Variants in PLA2G4F observed in about 807,000 individuals in gnomAD.
PLA2G4F encodes the protein phospholipase A2 group IVF.
In PLA2G4F, 105 loss-of-function variants were observed where a neutral mutation model predicts 103.1. The ratio of observed to expected loss-of-function variants is 1.02; its 90% CI spans 0.87 to 1.20. PLA2G4F has a LOEUF of 1.20. PLA2G4F is among the 50% of genes most tolerant of loss of function. The probability of loss-of-function intolerance (pLI) is 0.00; values close to 1 mark genes in which losing one functional copy is unlikely to be tolerated. For synonymous variants in PLA2G4F, 468 were observed against 441.1 expected (o/e 1.06, Z -0.76); for missense variants, 1,155 against 1,075.9 (o/e 1.07, Z -1.03).
chr15:42,143,840 C>A (rs2048849540), intron 18 of PLA2G4F, 138 bp downstream of exon 18: 2 of 1,169,070 alleles, frequency 1.7e-6, no homozygotes, highest in African/African-American at 1.5e-5. Flanking sequence ...CAGAGTGGAA[C>A]CCAGGCCGTC....
intron 18 of PLA2G4F, 92 bp downstream of exon 18, chr15:42,143,886 C>T (rs1176289591): frequency 6.9e-7 from 1 of 1,451,144 alleles, no homozygotes. Flanking sequence ...AGCCAGTCCC[C>T]CTCACCAGAG....
At chr15:42,146,846 G>A (rs1435853459) in intron 13 of PLA2G4F, 1 of 393,354 alleles carries the variant, frequency 2.5e-6, no homozygotes, top group Non-Finnish European at 4.7e-6. Flanking sequence ...CTGGAAGGGG[G>A]GCCGAGGCAT....
At chr15:42,149,974 C>A in intron 10 of PLA2G4F, 126 bp from the exon 11 acceptor site, 1 of 1,532,170 alleles carries the variant, frequency 6.5e-7, no homozygotes, top group Non-Finnish European at 9.0e-7. Context: ...AGCACCAGAA[C>A]CAGGGAGGGA....
chr15:42,149,973 A>G (rs11632558), intron 10 of PLA2G4F, 125 bp from the exon 11 acceptor site: 1 of 1,531,514 alleles, frequency 6.5e-7, no homozygotes, highest in Admixed American at 1.7e-5. Flanking sequence ...CAGCACCAGA[A>G]CCAGGGAGGG....
chr15:42,148,255 T>C (rs1230963577), intron 11 of PLA2G4F, among the ~76,000 whole-genome samples: 3 of 151,836 alleles, frequency 2.0e-5, no homozygotes. Context: ...TTAAATAATG[T>C]GCCCAAGATC....
At position 42,152,848 on chromosome 15, in the gene PLA2G4F, A is replaced by G. The variant is rs576532058; in HGVS notation, c.535-94T>C. ...GTGCCTAGGGCAGGGTCTGGGAAAC[A>G]GCCATGGCCCCATCCAGGATGGAGG... On this transcript the variant is annotated intron_variant, in intron 6 of 19. Transcript: ENST00000397272. The G allele has an allele frequency of 5.9e-5, 72 of 1,213,932 alleles. No homozygotes were observed. The South Asian group carries it at 1.1e-3, about 18-fold the overall frequency. The allele number at this position is 1,213,932 out of a possible 1,614,324, so 75.2% of individuals were successfully genotyped here.
chr15:42,153,672 G>C lies in PLA2G4F; in HGVS notation c.451-12C>G. 1 of 1,614,116 alleles carries C rather than the reference G, an allele frequency of 6.2e-7. No individual in the cohort carries two copies. Among genetic ancestry groups the C allele is most frequent in the Non-Finnish European group, 8.5e-7 (1 of 1,179,990 alleles). On this transcript the variant is annotated splice_polypyrimidine_tract_variant and intron_variant, in intron 4 of 19. Coordinates refer to ENST00000397272, the MANE Select transcript of PLA2G4F (RefSeq NM_213600.4). ...AGCTCTTGTGAATCCTACATGGAGG[G>C]GGAGGGAGCACCAATTTTTTCAAGG... is the stretch of plus-strand genomic sequence containing the variant.
Position 42,144,000 on chromosome 15 carries a change from T to C in PLA2G4F, c.2120A>G (p.Tyr707Cys), listed in dbSNP as rs576355757. ...RAVDLILSFD[Y>C]SLEAPFEVLK... ...CACCTCAAAAGGGGCTTCCAAGGAA[T>C]AGTCAAAGGACAGAATGAGGTCCAC... The change falls in exon 18 of 20, where the codon TAT (tyrosine) becomes TGT (cysteine). Residue 707 changes from tyrosine (Y) to cysteine (C), a missense_variant. Coordinates refer to ENST00000397272, the MANE Select transcript of PLA2G4F (RefSeq NM_213600.4). 3.3e-5 allele frequency: 53 copies of C among 1,610,344 alleles called. No individual in the cohort carries two copies. The South Asian group carries it at 5.6e-4, about 17-fold the overall frequency.
chr15:42,155,436 T>A lies in PLA2G4F; in HGVS notation c.184+81A>T, dbSNP rs553016158. 52 of 1,346,740 alleles carry A rather than the reference T, an allele frequency of 3.9e-5. No individual in the cohort carries two copies. Among genetic ancestry groups the A allele is most frequent in the Admixed American group, 5.3e-5 (3 of 56,794 alleles). The allele number at this position is 1,346,740 out of a possible 1,614,324, so 83.4% of individuals were successfully genotyped here. ...CATGTATACTCTTACACACACACAC[T>A]CTCTGTTAGCCAGCCTGAGCTGAGC... is the stretch of plus-strand genomic sequence containing the variant. On this transcript the variant is annotated intron_variant, in intron 2 of 19. Coordinates refer to ENST00000397272, the MANE Select transcript of PLA2G4F (RefSeq NM_213600.4).
Position 42,150,609 on chromosome 15 carries a change from T to A in PLA2G4F, c.770A>T (p.Gln257Leu). 6.2e-7 allele frequency: 1 copy of A among 1,607,238 alleles called. No homozygotes were observed. The highest frequency in any genetic ancestry group is 8.5e-7 in the Non-Finnish European group (1 of 1,176,866). The stretch of plus-strand genomic sequence containing the variant: ...CGACCATCCTGGCGGCGCACTCACC[T>A]GCACAGCTGCCAGCAGCTCCATCAG... ...VELMELLAAVQSGPSAELEAQ... is the reference protein window; with the variant it reads ...VELMELLAAVLSGPSAELEAQ... Residue 257 changes from glutamine (Q) to leucine (L), a missense_variant and splice_region_variant, in exon 8 of 20, where the codon CAG (glutamine) becomes CTG (leucine). Gln to Leu is a moderately radical substitution (Grantham distance 113). Transcript: ENST00000397272.
In PLA2G4F at chr15:42,141,559, C is replaced by T; in HGVS notation, c.*425G>A. On this transcript the variant is annotated 3_prime_UTR_variant, in exon 20 of 20. Transcript: ENST00000397272. ...GCTCTGCAGGAAGTGTGGATGGATGCATCTCTGCTTTCCATCTCAGTGTAA... is the reference window on the plus strand; with the variant it reads ...GCTCTGCAGGAAGTGTGGATGGATGTATCTCTGCTTTCCATCTCAGTGTAA... 2.2e-6 allele frequency: 1 copy of T among 458,096 alleles called. No individual in the cohort carries two copies. Among genetic ancestry groups the T allele is most frequent in the Non-Finnish European group, 4.4e-6 (1 of 228,846 alleles). The allele number at this position is 458,096 out of a possible 1,614,324, so 28.4% of individuals were successfully genotyped here.
chr15:42,153,463 C>T (rs2048980078), intron 5 of PLA2G4F, 121 bp from the exon 6 acceptor site: 4 of 1,473,748 alleles, frequency 2.7e-6, no homozygotes, highest in South Asian at 1.2e-5. Flanking sequence ...TGGAGTGGGG[C>T]GAGCCTGCCG....
chr15:42,152,860 A>G, intron 6 of PLA2G4F, 106 bp from the exon 7 acceptor site: 1 of 1,091,258 alleles, frequency 9.2e-7, no homozygotes, highest in Admixed American at 2.6e-5. Context: ...CCATGGCCCC[A>G]TCCAGGATGG....
chr15:42,147,017 G>A, intron 13 of PLA2G4F, 107 bp downstream of exon 13: 1 of 1,155,188 alleles, frequency 8.7e-7, no homozygotes, highest in Non-Finnish European at 1.2e-6. Context: ...GAGAGCTCAG[G>A]AACAGCTTTG....
intron 10 of PLA2G4F, 32 bp from the exon 11 acceptor site, chr15:42,149,880 G>A: frequency 1.2e-6 from 2 of 1,608,688 alleles, no homozygotes; most frequent in Non-Finnish European, 1.7e-6. Flanking sequence ...GGCGGTGGGG[G>A]GTTCTGGGTG....
In PLA2G4F at chr15:42,145,961, C is replaced by G; in HGVS notation, c.1535-58G>C. ...GGCTTCCCACCACGGTGCTTGTGCCCAAGCAGGAATCTTAGCCTTGACAAT... is the reference window on the plus strand; with the variant it reads ...GGCTTCCCACCACGGTGCTTGTGCCGAAGCAGGAATCTTAGCCTTGACAAT... On this transcript the variant is annotated intron_variant, in intron 14 of 19. Transcript: ENST00000397272. The G allele has an allele frequency of 3.7e-6, 6 of 1,602,966 alleles. No individual in the cohort carries two copies. In the South Asian group the frequency reaches 6.6e-5, roughly 18 times the overall value.
chr15:42,154,170 C>G lies in PLA2G4F; in HGVS notation c.372G>C (p.Gln124His), dbSNP rs2048988180. The G allele has an allele frequency of 1.2e-6, 2 of 1,614,104 alleles. No individual in the cohort carries two copies. The highest frequency in any genetic ancestry group is 3.3e-5 in the Admixed American group (2 of 60,010). Reference protein sequence around the residue: ...LYDKDILGSDQLSLLLFDLRS... With the variant: ...LYDKDILGSDHLSLLLFDLRS... ...TCAGGTCAAACAGGAGCAGAGAGAGCTGGTCGCTGCCCAGGATGTCCTTGT... is the reference window on the plus strand; with the variant it reads ...TCAGGTCAAACAGGAGCAGAGAGAGGTGGTCGCTGCCCAGGATGTCCTTGT... Residue 124 changes from glutamine to histidine, a missense_variant, in exon 4 of 20, where the codon CAG becomes CAC. Coordinates refer to ENST00000397272, the MANE Select transcript of PLA2G4F (RefSeq NM_213600.4).
intron 18 of PLA2G4F, 63 bp from the exon 19 acceptor site, chr15:42,142,777 A>T (rs2048838950): frequency 1.9e-6 from 3 of 1,539,398 alleles, no homozygotes; most frequent in East Asian, 2.3e-5. Flanking sequence ...GCCGCCCTGG[A>T]CTCACACACG....
chr15:42,146,971 C>G, intron 13 of PLA2G4F, 153 bp downstream of exon 13: 1 of 733,110 alleles, frequency 1.4e-6, no homozygotes, highest in Non-Finnish European at 2.2e-6. Context: ...TGGTACCAGC[C>G]CACCCTGGAG....
Sources: gnomAD v4.1 joint callset for allele counts (sites outside exome capture counted in the v4.1 genomes callset) on GRCh38, gnomAD v4.1.1 for gene constraint, MANE v1.5 for transcripts, NCBI Gene and HGNC (gene_info 2026-07-23, HGNC 2026-07-21) for gene names.